Variants in DPP6 observed in about 807,000 individuals in gnomAD.
The protein encoded by DPP6 is A-type potassium channel modulatory protein DPP6.
Under a neutral mutation model 122.6 loss-of-function variants are expected in DPP6, and 69 were observed. The ratio of observed to expected loss-of-function variants is 0.56; its 90% confidence interval spans 0.46 to 0.69. The LOEUF (loss-of-function observed/expected upper bound fraction) is 0.69, where lower values mean the gene tolerates loss of function less well. Among genes scored for constraint, DPP6 ranks in the 30% least tolerant of loss-of-function variants. DPP6 has a pLI of 0.00. For missense variants in DPP6, 928 were observed against 1,116.9 expected, an observed-to-expected ratio of 0.83 and a Z score of 2.41; for synonymous variants, 418 against 433.1, an observed-to-expected ratio of 0.97 and a Z score of 0.43.
chr7:153,966,265 C>T (rs1795711475), intron 1 of DPP6, among the ~76,000 whole-genome samples: 1 of 151,118 alleles, frequency 6.6e-6, no homozygotes, highest in Non-Finnish European at 1.5e-5. Context: ...TCAGCAATTG[C>T]TTTGTGTGTT....
intron 8 of DPP6, among the ~76,000 whole-genome samples, chr7:154,768,939 C>T (rs139207800): frequency 7.4e-4 from 112 of 152,314 alleles, no homozygotes; most frequent in Non-Finnish European, 8.4e-4. Context: ...GCGTAAATCC[C>T]TGGTCTGCTT....
chr7:154,180,419 A>G (rs1453982013), intron 1 of DPP6, among the ~76,000 whole-genome samples: 1 of 144,310 alleles, frequency 6.9e-6, no homozygotes, highest in Non-Finnish European at 1.5e-5. Context: ...ATATATCTAT[A>G]TATAATATAT....
intron 3 of DPP6, among the ~76,000 whole-genome samples, chr7:154,514,469 T>C (rs977076802): frequency 2.6e-5 from 4 of 152,128 alleles, no homozygotes; most frequent in Admixed American, 6.6e-5. Flanking sequence ...CACATCGCTA[T>C]GCACCCATCT....
chr7:154,324,185 T>G (rs1323398687), intron 1 of DPP6, among the ~76,000 whole-genome samples: 1 of 152,342 alleles, frequency 6.6e-6, no homozygotes, highest in East Asian at 1.9e-4. Context: ...CTACAGTAAC[T>G]TGCCTAGTAC....
At chr7:154,297,063 GT>G (rs34506058) in intron 1 of DPP6, among the ~76,000 whole-genome samples, 23 of 125,262 alleles carry the variant, frequency 1.8e-4, no homozygotes, top group South Asian at 8.1e-4. Context: ...AATGTATTCT[GT>G]TTTTTTTTTT....
At position 154,199,087 on chromosome 7, in the gene DPP6, G is replaced by A. The variant is rs151094980; in HGVS notation, c.243+146024G>A. 1.3e-3 allele frequency among the ~76,000 whole-genome samples: 202 copies of A among 151,444 alleles called. 2 individuals carry two copies. Among genetic ancestry groups the A allele is most frequent in the African/African-American group, 4.2e-3 (174 of 41,208 alleles). ...CAGGAGACAGCAGCTGGGGTTCCTC[G>A]AGGCTGCTTGGAGCCCTGGCCCCTG... On this transcript the variant is annotated intron_variant, in intron 1 of 25. Transcript: ENST00000377770.
At chr7:154,454,122 A>T (rs1257383749) in intron 2 of DPP6, among the ~76,000 whole-genome samples, 7 of 152,176 alleles carry the variant, frequency 4.6e-5, no homozygotes, top group African/African-American at 1.4e-4. Context: ...CCATCTACTA[A>T]CACTGACCAT....
chr7:154,679,502 C>T (rs1432154852), intron 7 of DPP6, among the ~76,000 whole-genome samples: 1 of 152,160 alleles, frequency 6.6e-6, no homozygotes, highest in East Asian at 1.9e-4. Flanking sequence ...ATGGGCCCGT[C>T]GCCTCCTCCT....
At chr7:154,525,337 C>T (rs1017562606) in intron 3 of DPP6, among the ~76,000 whole-genome samples, 6 of 152,082 alleles carry the variant, frequency 3.9e-5, no homozygotes, top group East Asian at 1.9e-4. Context: ...TTTGAAGAGA[C>T]GGAGTCTGGC....
chr7:154,873,950 A>ACACACG (rs1360237992), intron 19 of DPP6, among the ~76,000 whole-genome samples: 1 of 146,118 alleles, frequency 6.8e-6, no homozygotes, highest in Non-Finnish European at 1.5e-5. Flanking sequence ...ACACATGCAC[A>ACACACG]CACACACGCA....
intron 22 of DPP6, among the ~76,000 whole-genome samples, chr7:154,886,836 C>T (rs1462033472): frequency 6.6e-6 from 1 of 152,242 alleles, no homozygotes; most frequent in Non-Finnish European, 1.5e-5. Context: ...AGCCTCCTGG[C>T]TGGTGCAGCC....
At chr7:154,714,761 A>G (rs1841385705) in intron 7 of DPP6, among the ~76,000 whole-genome samples, 1 of 152,242 alleles carries the variant, frequency 6.6e-6, no homozygotes, top group Admixed American at 6.5e-5. Flanking sequence ...AGAATTTACT[A>G]TAACCTTGAG....
intron 1 of DPP6, among the ~76,000 whole-genome samples, chr7:154,313,670 A>G (rs1807103031): frequency 1.1e-5 from 1 of 92,816 alleles, no homozygotes; most frequent in African/African-American, 4.1e-5. Flanking sequence ...AAGCAACAAG[A>G]TATTTTAAGA....
At chr7:153,974,785 C>T (rs10236251) in intron 1 of DPP6, among the ~76,000 whole-genome samples, 124,576 of 152,074 alleles carry the variant, frequency 0.82, 51,519 homozygotes, top group Non-Finnish European at 0.89. Context: ...GACTCTGGTG[C>T]AAGGCAGTCA....
intron 1 of DPP6, among the ~76,000 whole-genome samples, chr7:154,147,655 T>C (rs1276171709): frequency 1.4e-5 from 2 of 142,988 alleles, no homozygotes; most frequent in Non-Finnish European, 3.0e-5. Flanking sequence ...AATTTGTGTG[T>C]GTGTGTGTGT....
chr7:154,051,311 A>G (rs1173242647), upstream of DPP6, among the ~76,000 whole-genome samples: 1 of 121,418 alleles, frequency 8.2e-6, no homozygotes, highest in Non-Finnish European at 1.8e-5. Context: ...TCTGGATGTG[A>G]TAGGTCCTTC....
chr7:154,023,668 G>A (rs548668707), intron 1 of DPP6, among the ~76,000 whole-genome samples: 198 of 151,914 alleles, frequency 1.3e-3, no homozygotes, highest in African/African-American at 4.6e-3. Context: ...TTTTAATACA[G>A]ACAGGGTTTC....
chr7:154,093,464 T>C (rs1805034882), intron 1 of DPP6, among the ~76,000 whole-genome samples: 1 of 114,322 alleles, frequency 8.7e-6, no homozygotes, highest in Middle Eastern at 4.3e-3. Context: ...ACACACCATA[T>C]ACCACATCAT....
chr7:154,883,098 C>T (rs547570322), intron 21 of DPP6, among the ~76,000 whole-genome samples: 59 of 151,058 alleles, frequency 3.9e-4, no homozygotes, highest in African/African-American at 1.3e-3. Context: ...CTCACCCATA[C>T]ACATGCTCTC....
Sources: gnomAD v4.1 joint callset for allele counts (sites outside exome capture counted in the v4.1 genomes callset) on GRCh38, gnomAD v4.1.1 for gene constraint, MANE v1.5 for transcripts, NCBI Gene and HGNC (gene_info 2026-07-23, HGNC 2026-07-21) for gene names.